MAST2: variants seen among roughly 807,000 people sequenced by gnomAD.
MAST2 encodes microtubule-associated serine/threonine-protein kinase 2.
In MAST2, 70 loss-of-function variants were observed where a neutral mutation model predicts 147.4. The observed-to-expected ratio is 0.47, with a 90% CI of 0.39 to 0.58. MAST2 has a LOEUF of 0.58. Among genes scored for constraint, MAST2 ranks in the 20% least tolerant of loss-of-function variants. MAST2 has a pLI of 0.00. For missense variants in MAST2, 2,080 were observed against 2,302.3 expected (o/e 0.90, Z 1.98); for synonymous variants, 869 against 896.8 (o/e 0.97, Z 0.55).
intron 4 of MAST2, among the ~76,000 whole-genome samples, chr1:45,939,686 T>C (rs907091614): frequency 6.6e-6 from 1 of 152,010 alleles, no homozygotes; most frequent in Non-Finnish European, 1.5e-5. Context: ...ACTACAGGCA[T>C]GCACCACCAC....
intron 7 of MAST2, among the ~76,000 whole-genome samples, chr1:46,005,493 A>G (rs1645450467): frequency 6.6e-6 from 1 of 152,084 alleles, no homozygotes; most frequent in African/African-American, 2.4e-5. Flanking sequence ...CTGGGACTGA[A>G]TGGGTGCTTC....
intron 3 of MAST2, among the ~76,000 whole-genome samples, chr1:45,850,640 G>T (rs947621705): frequency 6.6e-6 from 1 of 152,110 alleles, no homozygotes; most frequent in Non-Finnish European, 1.5e-5. Context: ...TGTGGTGAAA[G>T]GTAGGGTTCC....
chr1:46,004,279 G>A (rs1320799660), intron 7 of MAST2, among the ~76,000 whole-genome samples: 25 of 149,268 alleles, frequency 1.7e-4, no homozygotes, highest in African/African-American at 6.2e-4. Flanking sequence ...CAGGAGAATC[G>A]CTTGAACCCA....
chr1:45,997,724 G>A lies in MAST2; in HGVS notation c.593G>A (p.Gly198Asp). ...RPHSPLHGHT[G>D]NSPLDSPRNF... ...GTTTTGTTTCTTTTCCCATCCACAGGTAACAGTCCTTTGGACAGCCCCCGG... is the reference window on the plus strand; with the variant it reads ...GTTTTGTTTCTTTTCCCATCCACAGATAACAGTCCTTTGGACAGCCCCCGG... The change falls in exon 6 of 29, where the codon GGT (glycine) becomes GAT (aspartate). Residue 198 changes from glycine to aspartate, a missense_variant and splice_region_variant. Physicochemically the swap from Gly to Asp is moderately conservative, Grantham distance 94 (BLOSUM62 -1). This residue lies in a region of MAST2 where 569 missense variants were observed against 642.5 expected (regional missense o/e 0.89). Transcript: ENST00000361297. 2 of 1,613,662 alleles carry A rather than the reference G, an allele frequency of 1.2e-6. No individual in the cohort carries two copies.
chr1:45,966,884 T>TA (rs869287823), intron 5 of MAST2, among the ~76,000 whole-genome samples: 1 of 128,524 alleles, frequency 7.8e-6, no homozygotes, highest in African/African-American at 3.1e-5. Context: ...TTTTTTTTTT[T>TA]AAGGCAGGGT....
chr1:45,824,255 T>G (rs938456035), intron 1 of MAST2, among the ~76,000 whole-genome samples, 178 bp from the exon 2 acceptor site: 2 of 152,222 alleles, frequency 1.3e-5, no homozygotes, highest in Admixed American at 1.3e-4. Flanking sequence ...TCCTGTGTCC[T>G]TTACAGCATA....
rs201741542 is a variant in MAST2, at chr1:45,910,376, ATTAAT to A, written c.500+27986_500+27990del. Reference sequence around the variant, plus strand: ...GTTATTTTTCTTTTAAATATTCAAAATTAATTTAAATAAGCTGAATTAAAAATTTT... The same window carrying A: ...GTTATTTTTCTTTTAAATATTCAAAATTAAATAAGCTGAATTAAAAATTTT... On this transcript the variant is annotated intron_variant, in intron 4 of 28. Transcript: ENST00000361297. Among the ~76,000 whole-genome samples the A allele has an allele frequency of 4.3e-4, 65 of 152,304 alleles. 1 individual carries two copies. The East Asian group carries it at 0.011, about 26-fold the overall frequency.
At chr1:46,006,136 G>A (rs139468118) in intron 7 of MAST2, 105 bp from the exon 8 acceptor site, 1 of 1,173,482 alleles carries the variant, frequency 8.5e-7, no homozygotes, top group Non-Finnish European at 1.2e-6. Flanking sequence ...CCTGCTTTGG[G>A]TTTATAGTGA....
chr1:45,857,499 T>G (rs1645827414), intron 3 of MAST2, among the ~76,000 whole-genome samples: 2 of 152,208 alleles, frequency 1.3e-5, no homozygotes, highest in Admixed American at 1.3e-4. Context: ...TACCACAGAC[T>G]GTAAAGTTTC....
At chr1:45,885,261 C>T (rs1245993732) in intron 4 of MAST2, among the ~76,000 whole-genome samples, 1 of 152,144 alleles carries the variant, frequency 6.6e-6, no homozygotes, top group Non-Finnish European at 1.5e-5. Flanking sequence ...AGAGCGAATC[C>T]TATGGTGTGC....
chr1:45,947,888 T>C (rs1658318166), intron 4 of MAST2, among the ~76,000 whole-genome samples: 1 of 152,182 alleles, frequency 6.6e-6, no homozygotes, highest in Non-Finnish European at 1.5e-5. Flanking sequence ...GGCTAATTTT[T>C]TGTATTTTTA....
rs1645719347 is a variant in MAST2 at position 45,854,318 on chromosome 1, C to T, written c.468+24737C>T. Among the ~76,000 whole-genome samples, 3 of 141,810 alleles carry T rather than the reference C, an allele frequency of 2.1e-5. No individual in the cohort carries two copies. The Admixed American group carries it at 2.2e-4, about 10-fold the overall frequency. The allele number at this position is 141,810 out of a possible 152,430, so 93.0% of individuals were successfully genotyped here. On this transcript the variant is annotated intron_variant, in intron 3 of 28. Transcript: ENST00000361297. The stretch of plus-strand genomic sequence containing the variant: ...TACCACTGTACTGCAGCCTGGGTGA[C>T]AGAGTGACCCTCTGTCTCAAAAAAA...
intron 3 of MAST2, among the ~76,000 whole-genome samples, chr1:45,874,138 CGTT>C (rs1309689276): frequency 2.0e-5 from 3 of 151,996 alleles, no homozygotes; most frequent in African/African-American, 7.2e-5. Context: ...TTTTCATGTA[CGTT>C]ACTTTATTTG....
At chr1:45,944,187 A>G (rs1240752823) in intron 4 of MAST2, among the ~76,000 whole-genome samples, 1 of 152,138 alleles carries the variant, frequency 6.6e-6, no homozygotes, top group Non-Finnish European at 1.5e-5. Context: ...ATATTCTCCT[A>G]CCTAGGTAAT....
intron 3 of MAST2, among the ~76,000 whole-genome samples, chr1:45,839,299 TTG>T (rs1645202297): frequency 2.6e-5 from 4 of 152,084 alleles, no homozygotes; most frequent in African/African-American, 9.7e-5. Context: ...TGGCTAGTTT[TTG>T]GTATTTTTAG....
intron 3 of MAST2, among the ~76,000 whole-genome samples, chr1:45,832,264 T>A (rs974540262): frequency 2.0e-5 from 3 of 151,882 alleles, no homozygotes; most frequent in African/African-American, 7.3e-5. Context: ...ATGTCTGGGG[T>A]TAGTCACAAG....
At chr1:45,867,143 G>A (rs1646188920) in intron 3 of MAST2, among the ~76,000 whole-genome samples, 1 of 152,184 alleles carries the variant, frequency 6.6e-6, no homozygotes, top group Admixed American at 6.5e-5. Flanking sequence ...TTGAAAAGCA[G>A]CAGTTTAGAT....
At chr1:45,808,445 G>A (rs918102546) in intron 1 of MAST2, among the ~76,000 whole-genome samples, 1 of 152,124 alleles carries the variant, frequency 6.6e-6, no homozygotes, top group Non-Finnish European at 1.5e-5. Context: ...CTGAGCTCAG[G>A]CAATCCACCC....
In MAST2 at chr1:46,029,179, G is replaced by GTC. The variant is rs200509683; in HGVS notation, c.2218+248_2218+249dup. The GTC allele has an allele frequency of 5.8e-4, 318 of 550,730 alleles. 3 individuals are homozygous for GTC. In the East Asian group the frequency reaches 8.9e-3, roughly 15 times the overall value. 34.1% of individuals were successfully genotyped at this position (550,730 alleles called of 1,614,324 possible). On this transcript the variant is annotated intron_variant, in intron 18 of 28. Coordinates refer to ENST00000361297, the MANE Select transcript of MAST2 (RefSeq NM_015112.3). ...CTCTCATATACACCTGGGTGTTCCT[G>GTC]TCTGTGTATGTGCACATCCCATAAG...
Sources: gnomAD v4.1 joint callset for allele counts (sites outside exome capture counted in the v4.1 genomes callset) on GRCh38, gnomAD v4.1.1 for gene constraint, gnomAD v4.1.1 regional missense constraint, MANE v1.5 for transcripts, NCBI Gene and HGNC (gene_info 2026-07-23, HGNC 2026-07-21) for gene names.